COMMD1: variants seen among roughly 807,000 people sequenced by gnomAD.
COMMD1 encodes COMM domain-containing protein 1.
COMMD1 carries 10 observed loss-of-function variants against 17.2 expected under a neutral mutation model. The observed-to-expected ratio is 0.58, with a 90% confidence interval of 0.36 to 0.99. The LOEUF (loss-of-function observed/expected upper bound fraction) is 0.99. Among genes scored for constraint, COMMD1 ranks in the 50% least tolerant of loss-of-function variants. The pLI, the probability that COMMD1 is intolerant of heterozygous loss-of-function variation, is 0.01. For synonymous variants in COMMD1, 97 were observed against 91.6 expected (o/e 1.06, Z -0.34); for missense variants, 270 against 231.8 (o/e 1.17, Z -1.07).
At chr2:61,986,750 T>G (rs746224080) in intron 1 of COMMD1, among the ~76,000 whole-genome samples, 6 of 151,674 alleles carry the variant, frequency 4.0e-5, no homozygotes, top group Non-Finnish European at 8.8e-5. Context: ...TGTATTTTTA[T>G]TAGAGACCAG....
intron 2 of COMMD1, among the ~76,000 whole-genome samples, chr2:62,034,532 G>T (rs1018388936): frequency 6.6e-6 from 1 of 152,110 alleles, no homozygotes; most frequent in African/African-American, 2.4e-5. Context: ...GAAGACTGGT[G>T]TACCTACCAC....
chr2:62,074,310 T>C (rs1394765896), intron 2 of COMMD1, among the ~76,000 whole-genome samples: 1 of 152,254 alleles, frequency 6.6e-6, no homozygotes, highest in Admixed American at 6.5e-5. Flanking sequence ...GTTGGGCTAA[T>C]ATTAACTGGC....
At chr2:62,120,827 G>T (rs1223722967) in intron 2 of COMMD1, among the ~76,000 whole-genome samples, 1 of 152,028 alleles carries the variant, frequency 6.6e-6, no homozygotes. Flanking sequence ...TGCTCAAGCA[G>T]CCCTCCTGCC....
chr2:62,017,949 TAGG>T (rs1216974178), intron 2 of COMMD1, among the ~76,000 whole-genome samples: 1 of 151,072 alleles, frequency 6.6e-6, no homozygotes, highest in African/African-American at 2.4e-5. Context: ...GAGGCTGAGA[TAGG>T]AGGATCACTG....
rs34949326 is a variant in COMMD1, at chr2:61,889,202, CTTTTTTTT to C, written n.119+377_119+384del. On this transcript the variant is annotated intron_variant and non_coding_transcript_variant, in intron 1 of 2. Transcript: ENST00000472729. Reference sequence around the variant, plus strand: ...ACAGGCGTCAGCCACGAAGCCCGGCCTTTTTTTTTTTTTTTTTTTTTTTTGACAGAGTC... The same window carrying C: ...ACAGGCGTCAGCCACGAAGCCCGGCCTTTTTTTTTTTTTTTTGACAGAGTC... 4.4e-3 allele frequency among the ~76,000 whole-genome samples: 240 copies of C among 54,792 alleles called. 4 individuals are homozygous for C. The highest frequency in any genetic ancestry group is 0.018 in the African/African-American group (232 of 13,080). 35.9% of individuals were successfully genotyped at this position (54,792 alleles called of 152,430 possible).
chr2:62,057,203 A>C (rs905970929), intron 2 of COMMD1, among the ~76,000 whole-genome samples: 1 of 152,212 alleles, frequency 6.6e-6, no homozygotes, highest in Non-Finnish European at 1.5e-5. Flanking sequence ...AATAGAAATA[A>C]AGTACACAAT....
At chr2:62,074,212 T>C (rs1264508368) in intron 2 of COMMD1, among the ~76,000 whole-genome samples, 1 of 152,170 alleles carries the variant, frequency 6.6e-6, no homozygotes, top group Non-Finnish European at 1.5e-5. Flanking sequence ...TGTCCAAAGA[T>C]TTTTATTGAG....
chr2:62,046,377 A>G (rs773910048), intron 2 of COMMD1, among the ~76,000 whole-genome samples: 2 of 152,244 alleles, frequency 1.3e-5, no homozygotes, highest in Non-Finnish European at 2.9e-5. Context: ...TGATAGTGTG[A>G]ACAAAAGTGC....
At chr2:62,117,098 GC>G (rs1348655510) in intron 2 of COMMD1, among the ~76,000 whole-genome samples, 1 of 151,298 alleles carries the variant, frequency 6.6e-6, no homozygotes, top group Non-Finnish European at 1.5e-5. Flanking sequence ...CTCCCTCTTT[GC>G]CCCCACACAT....
chr2:62,050,218 A>G (rs992607646), intron 2 of COMMD1, among the ~76,000 whole-genome samples: 2 of 152,210 alleles, frequency 1.3e-5, no homozygotes, highest in African/African-American at 4.8e-5. Context: ...AAAAATAAGT[A>G]TGCTTTAAGT....
chr2:62,039,514 A>G (rs1414970399), intron 2 of COMMD1, among the ~76,000 whole-genome samples: 3 of 152,218 alleles, frequency 2.0e-5, no homozygotes, highest in African/African-American at 7.2e-5. Flanking sequence ...GCTCTTGCAC[A>G]GCATATGCCT....
At chr2:62,128,601 C>A (rs556557717) in intron 2 of COMMD1, among the ~76,000 whole-genome samples, 8 of 152,136 alleles carry the variant, frequency 5.3e-5, no homozygotes, top group Admixed American at 6.5e-5. Flanking sequence ...TTCTGCCTAC[C>A]TCCCTCCCTC....
At chr2:61,943,371 C>T (rs987894102) in intron 1 of COMMD1, among the ~76,000 whole-genome samples, 1 of 152,164 alleles carries the variant, frequency 6.6e-6, no homozygotes, top group Non-Finnish European at 1.5e-5. Context: ...TTGTTTCCCA[C>T]ATTTTTTCTT....
intron 2 of COMMD1, among the ~76,000 whole-genome samples, chr2:62,108,430 T>C (rs1672373702): frequency 6.6e-6 from 1 of 152,296 alleles, no homozygotes; most frequent in Non-Finnish European, 1.5e-5. Context: ...TGAGATCTTA[T>C]ATACCATTTT....
At chr2:62,096,066 A>G (rs181967816) in intron 2 of COMMD1, among the ~76,000 whole-genome samples, 2 of 152,006 alleles carry the variant, frequency 1.3e-5, no homozygotes, top group East Asian at 1.9e-4. Context: ...ATCACAATAT[A>G]TGGAAAAGAG....
At chr2:61,930,427 G>C (rs1444654156) in intron 1 of COMMD1, among the ~76,000 whole-genome samples, 1 of 152,072 alleles carries the variant, frequency 6.6e-6, no homozygotes, top group Non-Finnish European at 1.5e-5. Context: ...GTGGTGGCAC[G>C]TGCCTGTAAT....
At chr2:61,996,871 A>G (rs1256731046) in intron 1 of COMMD1, among the ~76,000 whole-genome samples, 1 of 152,144 alleles carries the variant, frequency 6.6e-6, no homozygotes, top group African/African-American at 2.4e-5. Context: ...TCCATGAGGG[A>G]TGGAATCAAC....
intron 2 of COMMD1, among the ~76,000 whole-genome samples, chr2:62,022,780 T>C (rs1292683192): frequency 6.6e-6 from 1 of 152,190 alleles, no homozygotes; most frequent in Non-Finnish European, 1.5e-5. Flanking sequence ...AACATGTCTG[T>C]GAACCTGAAA....
At chr2:62,132,728 A>C (rs912764174) in intron 2 of COMMD1, among the ~76,000 whole-genome samples, 2 of 152,166 alleles carry the variant, frequency 1.3e-5, no homozygotes, top group African/African-American at 4.8e-5. Context: ...GCACACCTGT[A>C]ATCCCAGCCA....
Sources: gnomAD v4.1 joint callset for allele counts (sites outside exome capture counted in the v4.1 genomes callset) on GRCh38, gnomAD v4.1.1 for gene constraint, MANE v1.5 for transcripts, NCBI Gene and HGNC (gene_info 2026-07-23, HGNC 2026-07-21) for gene names.